Variants in CYP26C1 observed in about 807,000 individuals in gnomAD.
CYP26C1 encodes cytochrome P450 26C1.
A neutral mutation model predicts 39.1 loss-of-function variants in CYP26C1; 41 were observed. The observed-to-expected ratio is 1.05, with a 90% CI of 0.82 to 1.36. CYP26C1 has a LOEUF of 1.36. Ranked by LOEUF, CYP26C1 falls within the 40% of genes most tolerant of loss-of-function variation. CYP26C1 has a pLI of 0.00. For missense variants in CYP26C1, 833 were observed against 752.0 expected, an observed-to-expected ratio of 1.11 and a Z score of -1.26; for synonymous variants, 362 against 350.8, an observed-to-expected ratio of 1.03 and a Z score of -0.36.
Position 93,061,418 on chromosome 10 carries a change from G to C in CYP26C1, c.155G>C (p.Gly52Ala). Residue 52 changes from glycine (G) to alanine (A), a missense_variant, in exon 1 of 6, where the codon GGC (glycine) becomes GCC (alanine). Coordinates refer to ENST00000651965, the MANE Select transcript of CYP26C1 (RefSeq NM_183374.3). ...DRASTLPLPK[G>A]SMGWPFFGET... is the part of the protein sequence containing the mutation. Reference sequence around the variant, plus strand: ...GCCTCCACCCTGCCTCTGCCCAAGGGCTCCATGGGGTGGCCCTTCTTCGGC... The same window carrying C: ...GCCTCCACCCTGCCTCTGCCCAAGGCCTCCATGGGGTGGCCCTTCTTCGGC... 1 of 1,557,946 alleles carries C rather than the reference G, an allele frequency of 6.4e-7. No individual in the cohort carries two copies. The highest frequency in any genetic ancestry group is 8.7e-7 in the Non-Finnish European group (1 of 1,151,170).
In CYP26C1 at chr10:93,064,464, G is replaced by A. The variant is rs546714902; in HGVS notation, c.789G>A (p.Pro263=). 4.8e-5 allele frequency: 77 copies of A among 1,614,024 alleles called. No homozygotes were observed. Among genetic ancestry groups the A allele is most frequent in the African/African-American group, 1.6e-4 (12 of 74,934 alleles). Reference sequence around the variant, plus strand: ...TTCACGAGGACAAGGCTGCAGAGCCGGGTGATGCCCTCGACCTAATCATTC... The same window carrying A: ...TTCACGAGGACAAGGCTGCAGAGCCAGGTGATGCCCTCGACCTAATCATTC... ...EKLHEDKAAE[P]GDALDLIIHS... is the part of the protein sequence containing the mutation. The change falls in exon 4 of 6, where the codon CCG becomes CCA. Residue 263 remains proline (P), a synonymous_variant. Transcript: ENST00000651965.
At chr10:93,061,629 C>T (rs1336618216) in intron 1 of CYP26C1, among the ~76,000 whole-genome samples, 162 bp downstream of exon 1, 2 of 3,038 alleles carry the variant, frequency 6.6e-4, no homozygotes, top group African/African-American at 1.3e-3. Flanking sequence ...CTAGATACTC[C>T]GTTCCCTCGA....
Position 93,062,121 on chromosome 10 carries a change from C to G in CYP26C1, c.316C>G (p.Leu106Val), listed in dbSNP as rs147999465. 528 of 1,554,072 alleles carry G rather than the reference C, an allele frequency of 3.4e-4. 1 individual carries two copies. The highest frequency in any genetic ancestry group is 4.3e-4 in the Non-Finnish European group (492 of 1,150,706). ...CGGCGCGGAGAACGTGCGCACCATC[C>G]TGCTGGGCGAGCACCGCCTGGTGCG... is the stretch of plus-strand genomic sequence containing the variant. ...VSGAENVRTI[L>V]LGEHRLVRSQ... The change falls in exon 2 of 6, where the codon CTG (leucine) becomes GTG (valine). Residue 106 changes from leucine to valine, a missense_variant. Physicochemically the swap from Leu to Val is conservative, Grantham distance 32 (BLOSUM62 1). Transcript: ENST00000651965.
At position 93,062,823 on chromosome 10, in the gene CYP26C1, C is replaced by T. The variant is rs202086264; in HGVS notation, c.533C>T (p.Pro178Leu). Residue 178 changes from proline (P) to leucine (L), a missense_variant, in exon 3 of 6, where the codon CCG (proline) becomes CTG (leucine). Coordinates refer to ENST00000651965, the MANE Select transcript of CYP26C1 (RefSeq NM_183374.3). Reference sequence around the variant, plus strand: ...CGCTCCTGGTGCGCGGCGGGCGGGCCGGTCTCAGTCTACGACGCCTCCAAA... The same window carrying T: ...CGCTCCTGGTGCGCGGCGGGCGGGCTGGTCTCAGTCTACGACGCCTCCAAA... ...EVRSWCAAGG[P>L]VSVYDASKAL... 1,537 of 1,570,902 alleles carry T rather than the reference C, an allele frequency of 9.8e-4. 34 individuals carry two copies. Among genetic ancestry groups the T allele is most frequent in the Non-Finnish European group, 1.9e-4 (226 of 1,164,696 alleles).
In CYP26C1 at chr10:93,068,925, G is replaced by T; in HGVS notation, c.*228G>T. 1.5e-6 allele frequency: 1 copy of T among 654,844 alleles called. No homozygotes were observed. Among genetic ancestry groups the T allele is most frequent in the Non-Finnish European group, 2.3e-6 (1 of 434,778 alleles). 40.6% of individuals were successfully genotyped at this position (654,844 alleles called of 1,614,324 possible). ...CTAAGCCCATGGGAAGATGCCTTCT[G>T]CGCTCCGCGCCCAGAGGAAGGAAAA... On this transcript the variant is annotated 3_prime_UTR_variant, in exon 6 of 6. Transcript: ENST00000651965.
rs1846869432 is a variant in CYP26C1, at chr10:93,069,487, T to C, written c.*790T>C. ...GAGACATAATTAGAGAGGTTTGAGA[T>C]ATTTGTACCAAAAATAGGAAGGCCA... On this transcript the variant is annotated 3_prime_UTR_variant, in exon 6 of 6. Coordinates refer to ENST00000651965, the MANE Select transcript of CYP26C1 (RefSeq NM_183374.3). 1 of 152,272 alleles carries C rather than the reference T, an allele frequency of 6.6e-6. No homozygotes were observed. 9.4% of individuals were successfully genotyped at this position (152,272 alleles called of 1,614,324 possible).
rs771426537 is a variant in CYP26C1 at position 93,062,158 on chromosome 10, C to A, written c.353C>A (p.Pro118Gln). The A allele has an allele frequency of 1.9e-6, 3 of 1,540,554 alleles. No individual in the cohort carries two copies. In the Admixed American group the frequency reaches 5.9e-5, roughly 30 times the overall value. The part of the protein sequence containing the change: ...GEHRLVRSQW[P>Q]QSAHILLGSH... Reference sequence around the variant, plus strand: ...CACCGCCTGGTGCGCAGCCAGTGGCCGCAGAGTGCGCACATCCTGCTGGGC... The same window carrying A: ...CACCGCCTGGTGCGCAGCCAGTGGCAGCAGAGTGCGCACATCCTGCTGGGC... The change falls in exon 2 of 6, where the codon CCG (proline) becomes CAG (glutamine). Residue 118 changes from proline to glutamine, a missense_variant. Physicochemically the swap from Pro to Gln is moderately conservative, Grantham distance 76 (BLOSUM62 -1). Transcript: ENST00000651965.
chr10:93,064,513 G>C lies in CYP26C1; in HGVS notation c.838G>C (p.Glu280Gln). The change falls in exon 4 of 6, where the codon GAG becomes CAG. Residue 280 changes from glutamate to glutamine, a missense_variant. Transcript: ENST00000651965. ...TCACAGTGCAAGGGAGCTGGGCCAT[G>C]AGCCCTCCATGCAGGAGCTGAAGGT... ...IIHSARELGH[E>Q]PSMQELKESA... 1 of 1,613,684 alleles carries C rather than the reference G, an allele frequency of 6.2e-7. No individual in the cohort carries two copies. Among genetic ancestry groups the C allele is most frequent in the African/African-American group, 1.3e-5 (1 of 75,052 alleles).
intron 4 of CYP26C1, 117 bp from the exon 5 acceptor site, chr10:93,065,839 C>A (rs1323902092): frequency 1.4e-5 from 14 of 996,010 alleles, no homozygotes; most frequent in Non-Finnish European, 1.8e-5. Flanking sequence ...ACTTCCCTGC[C>A]CCCTGGCTTT....
rs1012986150 is a variant in CYP26C1, at chr10:93,061,211, T to G, written c.-53T>G. ...TGCGCACTGCTCGCGCCCCGGTTCT[T>G]GCGTCCCCTGCTCTCCCTGCGCTCT... On this transcript the variant is annotated 5_prime_UTR_variant, in exon 1 of 6. Coordinates refer to ENST00000651965, the MANE Select transcript of CYP26C1 (RefSeq NM_183374.3). The G allele has an allele frequency of 2.0e-6, 3 of 1,533,306 alleles. No individual in the cohort carries two copies. The highest frequency in any genetic ancestry group is 1.4e-5 in the African/African-American group (1 of 72,898). 95.0% of individuals were successfully genotyped at this position (1,533,306 alleles called of 1,614,324 possible).
rs1846798888 is a variant in CYP26C1 at position 93,064,546 on chromosome 10, G to A, written c.861+10G>A. The A allele has an allele frequency of 6.2e-7, 1 of 1,608,134 alleles. No individual in the cohort carries two copies. Among genetic ancestry groups the A allele is most frequent in the Non-Finnish European group, 8.5e-7 (1 of 1,175,858 alleles). ...CATGCAGGAGCTGAAGGTAGGTGCT[G>A]ACAGGCCGCTCCTTCTCCCCTCTTT... is the stretch of plus-strand genomic sequence containing the variant. On this transcript the variant is annotated intron_variant, in intron 4 of 5. Coordinates refer to ENST00000651965, the MANE Select transcript of CYP26C1 (RefSeq NM_183374.3).
Position 93,061,342 on chromosome 10 carries a change from A to G in CYP26C1, c.79A>G (p.Ser27Gly). 3 of 1,587,684 alleles carry G rather than the reference A, an allele frequency of 1.9e-6. No individual in the cohort carries two copies. Among genetic ancestry groups the G allele is most frequent in the Non-Finnish European group, 1.7e-6 (2 of 1,167,624 alleles). Reference sequence around the variant, plus strand: ...TCTCCTGTGCGCGGGCCTGCTGCTCAGCCTGGCCCAGCACCTCTGGACCCT... The same window carrying G: ...TCTCCTGTGCGCGGGCCTGCTGCTCGGCCTGGCCCAGCACCTCTGGACCCT... Reference protein sequence around the residue: ...TALLCAGLLLSLAQHLWTLRW... With the variant: ...TALLCAGLLLGLAQHLWTLRW... Residue 27 changes from serine (S) to glycine (G), a missense_variant, in exon 1 of 6, where the codon AGC becomes GGC. Physicochemically the swap from Ser to Gly is moderately conservative, Grantham distance 56. Coordinates refer to ENST00000651965, the MANE Select transcript of CYP26C1 (RefSeq NM_183374.3).
chr10:93,061,630 G>C (rs1228752935), intron 1 of CYP26C1, among the ~76,000 whole-genome samples, 163 bp downstream of exon 1: 2 of 3,018 alleles, frequency 6.6e-4, no homozygotes, highest in Non-Finnish European at 2.7e-3. Context: ...TAGATACTCC[G>C]TTCCCTCGAA....
Position 93,062,862 on chromosome 10 carries a change from G to A in CYP26C1, c.572G>A (p.Arg191His). The change falls in exon 3 of 6, where the codon CGC (arginine) becomes CAC (histidine). Residue 191 changes from arginine to histidine, a missense_variant. Coordinates refer to ENST00000651965, the MANE Select transcript of CYP26C1 (RefSeq NM_183374.3). Reference sequence around the variant, plus strand: ...GACGCCTCCAAAGCGCTCACCTTCCGCATGGCCGCGCGCATCCTGCTGGGG... The same window carrying A: ...GACGCCTCCAAAGCGCTCACCTTCCACATGGCCGCGCGCATCCTGCTGGGG... ...VYDASKALTF[R>H]MAARILLGLR... 6.2e-7 allele frequency: 1 copy of A among 1,601,428 alleles called. No homozygotes were observed. The highest frequency in any genetic ancestry group is 8.5e-7 in the Non-Finnish European group (1 of 1,178,446).
intron 2 of CYP26C1, 78 bp downstream of exon 2, chr10:93,062,312 C>T: frequency 1.4e-6 from 2 of 1,423,114 alleles, no homozygotes; most frequent in Non-Finnish European, 9.3e-7. Flanking sequence ...GGCCGGGGCC[C>T]CGGTGTTGGA....
At chr10:93,067,322 G>T (rs1484619391) in intron 5 of CYP26C1, among the ~76,000 whole-genome samples, 1 of 152,222 alleles carries the variant, frequency 6.6e-6, no homozygotes, top group Non-Finnish European at 1.5e-5. Flanking sequence ...GTTTGAACTG[G>T]AGCAGTGAAA....
At chr10:93,064,762 G>A in intron 4 of CYP26C1, 1 of 1,264,790 alleles carries the variant, frequency 7.9e-7, no homozygotes, top group Non-Finnish European at 9.9e-7. Context: ...GAGAACTGAA[G>A]GCAAGAATCC....
chr10:93,061,406 C>T lies in CYP26C1; in HGVS notation c.143C>T (p.Pro48Leu). The change falls in exon 1 of 6, where the codon CCT becomes CTT. Residue 48 changes from proline to leucine, a missense_variant. Coordinates refer to ENST00000651965, the MANE Select transcript of CYP26C1 (RefSeq NM_183374.3). ...AGCCGGGACCGGGCCTCCACCCTGC[C>T]TCTGCCCAAGGGCTCCATGGGGTGG... ...MLSRDRASTL[P>L]LPKGSMGWPF... 1 of 1,560,284 alleles carries T rather than the reference C, an allele frequency of 6.4e-7. No homozygotes were observed. The highest frequency in any genetic ancestry group is 8.7e-7 in the Non-Finnish European group (1 of 1,152,288).
intron 5 of CYP26C1, 67 bp downstream of exon 5, chr10:93,066,352 GC>G: frequency 8.1e-7 from 1 of 1,235,084 alleles, no homozygotes; most frequent in Non-Finnish European, 1.0e-6. Flanking sequence ...GCCGCCTGCC[GC>G]CTGCCGCGGC....
Sources: allele counts gnomAD v4.1 joint callset (sites outside exome capture counted in the v4.1 genomes callset), GRCh38; gene constraint gnomAD v4.1.1; transcripts MANE v1.5; gene names NCBI Gene and HGNC (gene_info 2026-07-23, HGNC 2026-07-21).